NPIPB12: variants seen among roughly 807,000 people sequenced by gnomAD.
NPIPB12 encodes nuclear pore complex-interacting protein family member B12.
upstream of NPIPB12, among the ~76,000 whole-genome samples, chr16:29,501,083 G>A (rs1703148884): frequency 3.2e-5 from 1 of 31,428 alleles, no homozygotes; most frequent in Admixed American, 3.4e-4. Flanking sequence ...CATTTACTAT[G>A]ACATAAGGTT....
chr16:29,498,374 G>C (rs1371771201), intron 1 of NPIPB12, among the ~76,000 whole-genome samples: 3 of 141,640 alleles, frequency 2.1e-5, no homozygotes, highest in Non-Finnish European at 4.6e-5. Flanking sequence ...GGTTTATGCT[G>C]GTGTATGTAC....
intron 2 of NPIPB12, among the ~76,000 whole-genome samples, chr16:29,495,238 TA>T (rs200096371): frequency 1.2e-4 from 16 of 136,746 alleles, no homozygotes; most frequent in African/African-American, 1.6e-4. Context: ...GCACAAAGGT[TA>T]AAAAAACTTA....
chr16:29,498,515 C>T (rs1252472644), intron 1 of NPIPB12, among the ~76,000 whole-genome samples: 2 of 67,722 alleles, frequency 3.0e-5, no homozygotes, highest in South Asian at 9.6e-4. Flanking sequence ...ACTATCCTGG[C>T]GAACATGGTG....
At chr16:29,492,742 CAA>C (rs1163559950) in intron 2 of NPIPB12, among the ~76,000 whole-genome samples, 223 of 117,510 alleles carry the variant, frequency 1.9e-3, no homozygotes, top group African/African-American at 6.9e-3. Context: ...TGCAGTGAGC[CAA>C]GATCCCACCA....
intron 2 of NPIPB12, among the ~76,000 whole-genome samples, chr16:29,504,907 GCA>G (rs1357343802): frequency 1.7e-3 from 1 of 582 alleles, no homozygotes; most frequent in African/African-American, 8.6e-3. Flanking sequence ...TCGCTCTGTC[GCA>G]CAGTCTGGAG....
intron 2 of NPIPB12, among the ~76,000 whole-genome samples, chr16:29,504,720 ATGT>A (rs1328040630): frequency 5.9e-4 from 19 of 32,274 alleles, no homozygotes; most frequent in Non-Finnish European, 9.9e-4. Flanking sequence ...TATGTATTAC[ATGT>A]TGTAAAATAA....
intron 1 of NPIPB12, among the ~76,000 whole-genome samples, chr16:29,498,244 G>A (rs1965161767): frequency 6.7e-6 from 1 of 148,560 alleles, no homozygotes; most frequent in Non-Finnish European, 1.5e-5. Context: ...AGGTTGCGGT[G>A]AGCTGATATT....
upstream of NPIPB12, among the ~76,000 whole-genome samples, chr16:29,501,023 AC>A (rs1965188041): frequency 1.8e-4 from 1 of 5,612 alleles, no homozygotes; most frequent in Non-Finnish European, 2.4e-4. Context: ...GTATGCCCAA[AC>A]TCTCTCAGGC....
At chr16:29,504,538 G>GTGTA (rs1452185460) in intron 2 of NPIPB12, among the ~76,000 whole-genome samples, 1 of 145,450 alleles carries the variant, frequency 6.9e-6, no homozygotes, top group Non-Finnish European at 1.5e-5. Flanking sequence ...GTGTGTGTGT[G>GTGTA]TGTGTGTGTG....
chr16:29,502,184 A>G (rs1458554060), upstream of NPIPB12, among the ~76,000 whole-genome samples: 2 of 268 alleles, frequency 7.5e-3, no homozygotes, highest in African/African-American at 0.023. Flanking sequence ...GAGAACAGCT[A>G]TGTTGCTGCT....
upstream of NPIPB12, among the ~76,000 whole-genome samples, chr16:29,501,933 G>T (rs1965199377): frequency 2.7e-5 from 1 of 37,198 alleles, no homozygotes; most frequent in Non-Finnish European, 5.5e-5. Context: ...CCAAGTAAGT[G>T]GGGGTTGAAG....
chr16:29,494,070 G>T (rs1203756874), intron 2 of NPIPB12, among the ~76,000 whole-genome samples: 1 of 9,102 alleles, frequency 1.1e-4, no homozygotes, highest in Non-Finnish European at 1.6e-4. Flanking sequence ...GTAAAACCCC[G>T]ACTCTACTAA....
At chr16:29,492,726 A>T (rs1410179928) in intron 2 of NPIPB12, among the ~76,000 whole-genome samples, 49 of 117,238 alleles carry the variant, frequency 4.2e-4, no homozygotes, top group African/African-American at 1.6e-3. Context: ...CCCAGGAGGC[A>T]GAGGTTGCAG....
chr16:29,495,203 C>A (rs1240529730), intron 2 of NPIPB12, among the ~76,000 whole-genome samples: 5 of 145,084 alleles, frequency 3.4e-5, no homozygotes, highest in African/African-American at 1.2e-4. Flanking sequence ...AGTGACGAAA[C>A]CTCATACTCC....
chr16:29,501,261 C>CG, upstream of NPIPB12, among the ~76,000 whole-genome samples: 1 of 59,718 alleles, frequency 1.7e-5, no homozygotes, highest in Non-Finnish European at 2.8e-5. Flanking sequence ...GGGCGGATCA[C>CG]AAGGTCAGGA....
At chr16:29,501,208 G>A (rs1965189706), upstream of NPIPB12, among the ~76,000 whole-genome samples, 1 of 76,090 alleles carries the variant, frequency 1.3e-5, no homozygotes, top group South Asian at 6.1e-4. Context: ...GGCTGGGTGT[G>A]GTGGCTCACG....
chr16:29,492,516 C>G (rs1328729970), intron 2 of NPIPB12, among the ~76,000 whole-genome samples: 1 of 69,276 alleles, frequency 1.4e-5, no homozygotes, highest in African/African-American at 6.0e-5. Flanking sequence ...AAAAAAAAGG[C>G]CAGATGCGGT....
downstream of NPIPB12, chr16:29,485,002 C>T (rs374735118): frequency 2.9e-5 from 5 of 170,858 alleles, no homozygotes; most frequent in South Asian, 1.4e-4. Context: ...AATCCGCAGA[C>T]GCTCAGCAGG....
At chr16:29,501,217 C>T (rs1464109815), upstream of NPIPB12, among the ~76,000 whole-genome samples, 3 of 75,438 alleles carry the variant, frequency 4.0e-5, 1 homozygote, top group Non-Finnish European at 7.0e-5. Flanking sequence ...TGGTGGCTCA[C>T]GCCTGTAATC....
Sources: gnomAD v4.1 joint callset for allele counts (sites outside exome capture counted in the v4.1 genomes callset) on GRCh38, gnomAD v4.1.1 for gene constraint, MANE v1.5 for transcripts, NCBI Gene and HGNC (gene_info 2026-07-23, HGNC 2026-07-21) for gene names.